Variants in DMD observed in about 807,000 individuals in gnomAD.
The protein encoded by DMD is mutant dystrophin.
DMD carries 63 observed loss-of-function variants against 330.1 expected under a neutral mutation model. The ratio of observed to expected loss-of-function variants is 0.19; its 90% CI spans 0.16 to 0.24. The LOEUF (loss-of-function observed/expected upper bound fraction) is 0.24. Among genes scored for constraint, DMD ranks in the 10% least tolerant of loss-of-function variants. The pLI is 1.00. For synonymous variants in DMD, 1,223 were observed against 959.8 expected (o/e 1.27, Z -5.07); for missense variants, 3,344 against 2,684.1 (o/e 1.25, Z -5.43).
At chrX:31,152,902 G>A (rs1194046841) in intron 74 of DMD, among the ~76,000 whole-genome samples, 4 of 37,007 alleles carry the variant, frequency 1.1e-4, no homozygotes, top group Non-Finnish European at 1.9e-4. Context: ...ATGTATTTTG[G>A]ATCGTGATTT....
intron 50 of DMD, among the ~76,000 whole-genome samples, chrX:31,798,882 CT>C (rs2091943470): frequency 8.9e-6 from 1 of 111,818 alleles, no homozygotes; most frequent in Non-Finnish European, 1.9e-5. Context: ...TTGGATGAGA[CT>C]TTTTATCCCT....
rs760077314 is a variant in DMD, at chrX:32,364,185, A to T, written c.5154+397T>A. 3.6e-5 allele frequency among the ~76,000 whole-genome samples: 4 copies of T among 112,315 alleles called. No homozygotes were observed. The East Asian group carries it at 8.4e-4, about 24-fold the overall frequency. On this transcript the variant is annotated intron_variant, in intron 36 of 78. Coordinates refer to ENST00000357033, the MANE Select transcript of DMD (RefSeq NM_004006.3). ...ATTTGGATATGGCATAGGCAAAAAA[A>T]TCAGCTGACTGGATTTCAGGTGTTC...
At chrX:32,178,828 GGGGTGTGTGTGTGTGTGTGTGT>G (rs1350815646) in intron 44 of DMD, among the ~76,000 whole-genome samples, 35 of 16,692 alleles carry the variant, frequency 2.1e-3, no homozygotes, top group Non-Finnish European at 4.3e-3. Context: ...AATATTCCAG[GGGGTGTGTGTGTGTGTGTGTGT>G]GTGTGTGTGT....
chrX:32,757,531 A>C (rs926361439), intron 7 of DMD, among the ~76,000 whole-genome samples: 3 of 111,185 alleles, frequency 2.7e-5, no homozygotes, highest in Non-Finnish European at 5.7e-5. Context: ...GTAGGAGGTA[A>C]CTGAATCATG....
intron 7 of DMD, among the ~76,000 whole-genome samples, chrX:32,768,169 A>T (rs772292215): frequency 4.4e-4 from 49 of 112,074 alleles, no homozygotes; most frequent in Non-Finnish European, 7.9e-4. Context: ...AAAATATGTT[A>T]AAAAATGAAT....
At chrX:33,117,557 T>C (rs2095394555) in intron 1 of DMD, among the ~76,000 whole-genome samples, 2 of 111,635 alleles carry the variant, frequency 1.8e-5, no homozygotes. Flanking sequence ...TTACATTTTA[T>C]TGTTATAACA....
At chrX:32,331,210 A>T (rs765315006) in intron 41 of DMD, among the ~76,000 whole-genome samples, 1 of 111,951 alleles carries the variant, frequency 8.9e-6, no homozygotes, top group South Asian at 3.7e-4. Flanking sequence ...TATGCTAAGA[A>T]AAGGGAATGG....
intron 2 of DMD, among the ~76,000 whole-genome samples, chrX:32,913,949 C>T (rs2087538973): frequency 9.0e-6 from 1 of 111,723 alleles, no homozygotes; most frequent in African/African-American, 3.3e-5. Flanking sequence ...ATAATACACT[C>T]ACTATTGTTT....
chrX:32,685,160 G>C (rs1257234630), intron 9 of DMD, among the ~76,000 whole-genome samples: 1 of 109,259 alleles, frequency 9.2e-6, no homozygotes, highest in African/African-American at 3.5e-5. Flanking sequence ...CGGCATACTT[G>C]TTCCTGAACT....
intron 7 of DMD, among the ~76,000 whole-genome samples, chrX:32,709,759 C>A (rs890126686): frequency 9.0e-5 from 10 of 111,728 alleles, no homozygotes; most frequent in African/African-American, 1.3e-4. Flanking sequence ...AAGCCCAACC[C>A]CTTTCCCTTT....
intron 2 of DMD, among the ~76,000 whole-genome samples, chrX:32,901,265 C>G (rs771648542): frequency 4.5e-5 from 5 of 111,529 alleles, no homozygotes; most frequent in Non-Finnish European, 9.4e-5. Context: ...AGAAGGTAAT[C>G]TCCCTTCTTA....
chrX:32,710,100 G>T, intron 7 of DMD, among the ~76,000 whole-genome samples: 1 of 111,403 alleles, frequency 9.0e-6, no homozygotes, highest in African/African-American at 3.3e-5. Context: ...CTGCAAAAGA[G>T]ATTCAGTTTG....
chrX:31,351,385 A>G (rs1166032176), intron 60 of DMD, among the ~76,000 whole-genome samples: 1 of 110,922 alleles, frequency 9.0e-6, no homozygotes, highest in Non-Finnish European at 1.9e-5. Context: ...GTAATTGCTC[A>G]ATAAATGTTA....
At chrX:32,483,168 C>CACA (rs2042084108) in intron 21 of DMD, among the ~76,000 whole-genome samples, 1 of 33,939 alleles carries the variant, frequency 2.9e-5, no homozygotes, top group Non-Finnish European at 6.6e-5. Flanking sequence ...TATATATACA[C>CACA]CATATTTAAT....
intron 44 of DMD, among the ~76,000 whole-genome samples, chrX:32,141,678 AACAC>A (rs56858722): frequency 0.096 from 8,429 of 87,951 alleles, 439 homozygotes; most frequent in African/African-American, 0.18. Context: ...TATAGAGTGC[AACAC>A]ACACACACAC....
chrX:33,092,443 C>A (rs1055461176), intron 1 of DMD, among the ~76,000 whole-genome samples: 1 of 111,551 alleles, frequency 9.0e-6, no homozygotes, highest in Admixed American at 9.6e-5. Context: ...ACACTAAAGT[C>A]ATAAGTGAAC....
chrX:32,759,865 G>GGA (rs1491425122), intron 7 of DMD, among the ~76,000 whole-genome samples: 4 of 75,761 alleles, frequency 5.3e-5, no homozygotes, highest in Admixed American at 1.7e-4. Flanking sequence ...GGGGGCGGGG[G>GGA]AAGACCCAGG....
chrX:32,757,583 G>A (rs911934648), intron 7 of DMD, among the ~76,000 whole-genome samples: 1 of 110,438 alleles, frequency 9.1e-6, no homozygotes, highest in Non-Finnish European at 1.9e-5. Context: ...TAGTGAATAC[G>A]TCTCACGAGA....
chrX:31,548,418 A>G (rs2074275668), intron 55 of DMD, among the ~76,000 whole-genome samples: 1 of 111,676 alleles, frequency 9.0e-6, no homozygotes, highest in South Asian at 3.8e-4. Context: ...TCCCAAGCTC[A>G]AAAGTAGTGA....
Sources: gnomAD v4.1 joint callset for allele counts (sites outside exome capture counted in the v4.1 genomes callset) on GRCh38, gnomAD v4.1.1 for gene constraint, MANE v1.5 for transcripts, NCBI Gene and HGNC (gene_info 2026-07-23, HGNC 2026-07-21) for gene names.